The following DLEC1 variants were observed in gnomAD, a reference collection of about 807,000 sequenced individuals.
The protein encoded by DLEC1 is DLEC1 cilia and flagella associated protein.
In DLEC1, 146 loss-of-function variants were observed where a neutral mutation model predicts 198.1. That is an observed-to-expected ratio of 0.74 (90% CI 0.64 to 0.85). DLEC1 has a LOEUF of 0.85. Ranked by LOEUF, DLEC1 falls within the 40% of genes least tolerant of loss-of-function variation. The pLI, the probability that DLEC1 is intolerant of heterozygous loss-of-function variation, is 0.00. For synonymous variants in DLEC1, 897 were observed against 866.8 expected, an observed-to-expected ratio of 1.03 and a Z score of -0.61; for missense variants, 2,233 against 2,220.0, an observed-to-expected ratio of 1.01 and a Z score of -0.12.
At chr3:38,091,673 C>T (rs111652101) in intron 10 of DLEC1, among the ~76,000 whole-genome samples, 12 of 151,988 alleles carry the variant, frequency 7.9e-5, no homozygotes, top group African/African-American at 2.9e-4. Flanking sequence ...AGAAAACAAC[C>T]TGCTTTTTTT....
chr3:38,096,457 G>A, intron 14 of DLEC1, 112 bp from the exon 15 acceptor site: 2 of 1,295,062 alleles, frequency 1.5e-6, no homozygotes, highest in South Asian at 2.9e-5. Context: ...AGGAGCTGTG[G>A]GTTAGGCAGT....
intron 6 of DLEC1, among the ~76,000 whole-genome samples, chr3:38,083,035 C>T (rs982987118): frequency 2.0e-5 from 3 of 151,500 alleles, no homozygotes; most frequent in African/African-American, 4.9e-5. Flanking sequence ...TGAAGGGTGG[C>T]ACCAAGATTG....
At chr3:38,096,772 G>C in intron 15 of DLEC1, 35 bp downstream of exon 15, 1 of 1,570,156 alleles carries the variant, frequency 6.4e-7, no homozygotes, top group Non-Finnish European at 8.6e-7. Flanking sequence ...TAGGCTGGCC[G>C]AGGCAGTGTT....
chr3:38,049,074 T>G (rs1381695901), intron 2 of DLEC1, among the ~76,000 whole-genome samples: 3 of 48,982 alleles, frequency 6.1e-5, no homozygotes, highest in South Asian at 8.7e-4. Context: ...ACTATTTGGG[T>G]TTTTTTTTTT....
chr3:38,084,294 G>A (rs1698233290), intron 7 of DLEC1, 49 bp downstream of exon 7: 3 of 1,521,020 alleles, frequency 2.0e-6, no homozygotes, highest in African/African-American at 2.8e-5. Context: ...AATAGTAGTG[G>A]TGGTATTAGT....
chr3:38,101,843 T>A (rs865914859), intron 19 of DLEC1, among the ~76,000 whole-genome samples: 1 of 152,246 alleles, frequency 6.6e-6, no homozygotes, highest in South Asian at 2.1e-4. Context: ...AGGCTAAGTC[T>A]GCCTGCAGCT....
At chr3:38,119,454 A>G (rs997717102) in intron 33 of DLEC1, among the ~76,000 whole-genome samples, 6 of 151,846 alleles carry the variant, frequency 4.0e-5, no homozygotes, top group African/African-American at 9.7e-5. Context: ...GCCCCCTCCT[A>G]AAGTTCTCCC....
At chr3:38,068,093 A>G (rs1295943075) in intron 6 of DLEC1, among the ~76,000 whole-genome samples, 3 of 152,030 alleles carry the variant, frequency 2.0e-5, no homozygotes, top group African/African-American at 7.2e-5. Flanking sequence ...AGCAAGCAAG[A>G]AGGAGATTGC....
intron 11 of DLEC1, 44 bp downstream of exon 11, chr3:38,092,924 C>T: frequency 6.3e-7 from 1 of 1,594,944 alleles, no homozygotes; most frequent in Non-Finnish European, 8.6e-7. Context: ...GAGAGGCTGC[C>T]CCAGCTCCAG....
At chr3:38,080,802 C>CT (rs76282097) in intron 6 of DLEC1, among the ~76,000 whole-genome samples, 25,631 of 112,610 alleles carry the variant, frequency 0.23, 2,761 homozygotes, top group African/African-American at 0.26. Context: ...TTCGGGTGTT[C>CT]TTTTTTTTTT....
At chr3:38,102,511 T>G (rs929271120) in intron 19 of DLEC1, among the ~76,000 whole-genome samples, 1 of 152,180 alleles carries the variant, frequency 6.6e-6, no homozygotes, top group African/African-American at 2.4e-5. Context: ...GATGTTGGAG[T>G]TCTTCTTTAC....
At chr3:38,082,234 T>G (rs1238361965) in intron 6 of DLEC1, among the ~76,000 whole-genome samples, 1 of 123,720 alleles carries the variant, frequency 8.1e-6, no homozygotes, top group Non-Finnish European at 1.7e-5. Context: ...TTCCTAGATG[T>G]GATGGCGGCT....
chr3:38,040,931 AG>A lies in DLEC1; in HGVS notation c.411+1299del, dbSNP rs551901512. Among the ~76,000 whole-genome samples, 755 of 151,648 alleles carry A rather than the reference AG, an allele frequency of 5.0e-3. 3 individuals carry two copies. The highest frequency in any genetic ancestry group is 7.9e-3 in the Non-Finnish European group (537 of 67,916). The stretch of plus-strand genomic sequence containing the variant: ...CACAGCTCACTGCAGCCTTAACATC[AG>A]GGGCTCAACTGATCCTCCCTCCTCA... On this transcript the variant is annotated intron_variant, in intron 1 of 36. Transcript: ENST00000308059.
chr3:38,076,249 C>G (rs1425528372), intron 6 of DLEC1, among the ~76,000 whole-genome samples: 1 of 152,164 alleles, frequency 6.6e-6, no homozygotes, highest in Non-Finnish European at 1.5e-5. Context: ...TGAGATGTTT[C>G]TTGGGCTCAT....
chr3:38,086,446 T>G, intron 9 of DLEC1, 69 bp downstream of exon 9: 1 of 1,541,606 alleles, frequency 6.5e-7, no homozygotes, highest in Non-Finnish European at 8.8e-7. Context: ...CCAGAGGAAC[T>G]TACTAGAGTA....
intron 11 of DLEC1, 151 bp downstream of exon 11, chr3:38,093,031 T>C: frequency 1.3e-6 from 1 of 770,732 alleles, no homozygotes; most frequent in Non-Finnish European, 2.1e-6. Flanking sequence ...GGTGCCAGAG[T>C]CTCGTTTCAG....
intron 9 of DLEC1, 95 bp from the exon 10 acceptor site, chr3:38,088,201 T>C (rs1042811589): frequency 8.9e-7 from 1 of 1,127,168 alleles, no homozygotes; most frequent in Non-Finnish European, 1.3e-6. Context: ...TTCCTTCACA[T>C]TGCAAAATGG....
At chr3:38,115,116 C>CTGGGAGGGAAGG (rs888012700) in intron 27 of DLEC1, 63 bp downstream of exon 27, 1 of 1,587,912 alleles carries the variant, frequency 6.3e-7, no homozygotes, top group Non-Finnish European at 8.6e-7. Flanking sequence ...GTGAGCCAGG[C>CTGGGAGGGAAGG]TGGGAGGGAA....
chr3:38,081,475 C>T (rs1242577190), intron 6 of DLEC1, among the ~76,000 whole-genome samples: 6 of 72,616 alleles, frequency 8.3e-5, no homozygotes, highest in East Asian at 5.5e-4. Context: ...CCGGACGGGG[C>T]GGCTGGCCGG....
Sources: allele counts gnomAD v4.1 joint callset (sites outside exome capture counted in the v4.1 genomes callset), GRCh38; gene constraint gnomAD v4.1.1; transcripts MANE v1.5; gene names NCBI Gene and HGNC (gene_info 2026-07-23, HGNC 2026-07-21).